UNC5D: variants seen among roughly 807,000 people sequenced by gnomAD.
UNC5D encodes the protein netrin receptor UNC5D.
Under a neutral mutation model 105.4 loss-of-function variants are expected in UNC5D, and 39 were observed. The ratio of observed to expected loss-of-function variants is 0.37; its 90% CI spans 0.29 to 0.48. The LOEUF is 0.48. Ranked by LOEUF, UNC5D falls within the 20% of genes least tolerant of loss-of-function variation. The pLI is 0.98. For synonymous variants in UNC5D, 452 were observed against 450.4 expected, an observed-to-expected ratio of 1.00 and a Z score of -0.04; for missense variants, 991 against 1,202.4, an observed-to-expected ratio of 0.82 and a Z score of 2.60.
intron 1 of UNC5D, among the ~76,000 whole-genome samples, chr8:35,257,411 A>T (rs1030224505): frequency 9.2e-5 from 14 of 152,166 alleles, no homozygotes; most frequent in Admixed American, 9.2e-4. Flanking sequence ...CTGGTCTGCC[A>T]GCAGGCACCC....
chr8:35,644,915 TG>T lies in UNC5D; in HGVS notation c.571-38631del, dbSNP rs112748701. Among the ~76,000 whole-genome samples the T allele has an allele frequency of 3.9e-4, 59 of 152,266 alleles. 1 individual carries two copies. Among genetic ancestry groups the T allele is most frequent in the African/African-American group, 1.4e-3 (57 of 41,562 alleles). Reference sequence around the variant, plus strand: ...GAGCACTCGGACAATGGTAGAATTCTGATATTGATTCTTTTATAATATAGCT... The same window carrying T: ...GAGCACTCGGACAATGGTAGAATTCTATATTGATTCTTTTATAATATAGCT... On this transcript the variant is annotated intron_variant, in intron 4 of 16. Transcript: ENST00000404895.
intron 1 of UNC5D, among the ~76,000 whole-genome samples, chr8:35,419,310 C>A (rs958914022): frequency 6.6e-5 from 10 of 152,174 alleles, no homozygotes; most frequent in Admixed American, 6.5e-4. Flanking sequence ...TCACTCAGCT[C>A]CAGGCTCACC....
At chr8:35,499,294 A>G (rs2130218892) in intron 1 of UNC5D, among the ~76,000 whole-genome samples, 1 of 152,334 alleles carries the variant, frequency 6.6e-6, no homozygotes, top group African/African-American at 2.4e-5. Context: ...CATGAAGTCG[A>G]TAATTACACT....
intron 11 of UNC5D, among the ~76,000 whole-genome samples, chr8:35,742,263 AAAAG>A (rs899822396): frequency 1.3e-5 from 2 of 152,180 alleles, no homozygotes; most frequent in Non-Finnish European, 2.9e-5. Context: ...AGAAAAAAAA[AAAAG>A]AGAGAGAGAC....
chr8:35,762,146 C>T (rs1269071152), intron 14 of UNC5D, among the ~76,000 whole-genome samples: 1 of 152,080 alleles, frequency 6.6e-6, no homozygotes, highest in East Asian at 1.9e-4. Context: ...AGGAAACTTC[C>T]ATTTTCTTCT....
intron 12 of UNC5D, 91 bp downstream of exon 12, chr8:35,748,786 C>T: frequency 7.0e-7 from 1 of 1,425,114 alleles, no homozygotes. Context: ...CACAAATCAG[C>T]ATTTCGTTGT....
At chr8:35,716,177 A>G (rs368081049) in intron 8 of UNC5D, among the ~76,000 whole-genome samples, 2 of 152,274 alleles carry the variant, frequency 1.3e-5, no homozygotes, top group African/African-American at 2.4e-5. Context: ...GAAGACAGAC[A>G]TGTGTTCAAA....
intron 16 of UNC5D, among the ~76,000 whole-genome samples, chr8:35,783,856 C>T (rs1051388544): frequency 6.6e-6 from 1 of 151,930 alleles, no homozygotes; most frequent in Non-Finnish European, 1.5e-5. Context: ...CAATTCTCTA[C>T]CCCACCTTTA....
At chr8:35,766,199 T>C (rs1341423634) in intron 14 of UNC5D, among the ~76,000 whole-genome samples, 1 of 152,172 alleles carries the variant, frequency 6.6e-6, no homozygotes, top group Non-Finnish European at 1.5e-5. Context: ...GTTTACCTAG[T>C]ACAGTGTGTG....
At chr8:35,460,243 G>A (rs865893567) in intron 1 of UNC5D, among the ~76,000 whole-genome samples, 5 of 152,232 alleles carry the variant, frequency 3.3e-5, no homozygotes, top group Middle Eastern at 3.4e-3. Flanking sequence ...GGGTAGGGGG[G>A]CAGCATTCAG....
intron 1 of UNC5D, among the ~76,000 whole-genome samples, chr8:35,503,732 A>C (rs1272212772): frequency 6.6e-6 from 1 of 152,200 alleles, no homozygotes; most frequent in Non-Finnish European, 1.5e-5. Flanking sequence ...GGGAGTTAGA[A>C]TTTTAATTCC....
intron 1 of UNC5D, among the ~76,000 whole-genome samples, chr8:35,380,222 G>GGAGA (rs1319752379): frequency 1.5e-5 from 2 of 132,238 alleles, no homozygotes; most frequent in African/African-American, 2.9e-5. Context: ...AGAGAGAGAG[G>GGAGA]GAGAGAGAGA....
At chr8:35,362,330 T>A (rs1801900274) in intron 1 of UNC5D, among the ~76,000 whole-genome samples, 1 of 152,198 alleles carries the variant, frequency 6.6e-6, no homozygotes, top group Non-Finnish European at 1.5e-5. Flanking sequence ...CAAATGCACT[T>A]CCTTACAAGA....
At chr8:35,432,420 A>C (rs932488197) in intron 1 of UNC5D, among the ~76,000 whole-genome samples, 2 of 152,148 alleles carry the variant, frequency 1.3e-5, no homozygotes, top group Non-Finnish European at 2.9e-5. Flanking sequence ...CTTGTTTTAC[A>C]AAGTACCTCT....
intron 11 of UNC5D, among the ~76,000 whole-genome samples, chr8:35,743,611 A>G (rs1344797250): frequency 6.6e-6 from 1 of 151,852 alleles, no homozygotes; most frequent in Non-Finnish European, 1.5e-5. Flanking sequence ...AATTTTTTTT[A>G]AATCTTGACA....
At position 35,791,282 on chromosome 8, in the gene UNC5D, A is replaced by C. The variant is rs1184800831; in HGVS notation, c.*719A>C. 6.5e-6 allele frequency: 1 copy of C among 152,882 alleles called. No individual in the cohort carries two copies. The highest frequency in any genetic ancestry group is 6.5e-5 in the Admixed American group (1 of 15,354). 9.5% of individuals were successfully genotyped at this position (152,882 alleles called of 1,614,324 possible). On this transcript the variant is annotated 3_prime_UTR_variant, in exon 17 of 17. Transcript: ENST00000404895. ...TTACCCCTTGCAGTAGGGAGGTATC[A>C]AGGAGCATAATTAAACTTGTCAATA...
At position 35,724,763 on chromosome 8, in the gene UNC5D, G is replaced by A. The variant is rs28470990; in HGVS notation, c.1304-1389G>A. On this transcript the variant is annotated intron_variant, in intron 9 of 16. Transcript: ENST00000404895. ...GAGGCATGTGGCTTTTGAGGTCTCC[G>A]CAGAACCTCCTGTTCTAAACTCTTT... 3.6e-3 allele frequency among the ~76,000 whole-genome samples: 552 copies of A among 152,228 alleles called. 3 individuals carry two copies. Among genetic ancestry groups the A allele is most frequent in the African/African-American group, 0.012 (514 of 41,536 alleles).
At chr8:35,526,266 C>T (rs1211561225) in intron 1 of UNC5D, among the ~76,000 whole-genome samples, 1 of 152,172 alleles carries the variant, frequency 6.6e-6, no homozygotes, top group Non-Finnish European at 1.5e-5. Flanking sequence ...ATCTTGAAGG[C>T]TTGCATTGTT....
chr8:35,325,174 C>T (rs1810051542), intron 1 of UNC5D, among the ~76,000 whole-genome samples: 1 of 152,084 alleles, frequency 6.6e-6, no homozygotes. Flanking sequence ...CTATATCTAT[C>T]AATAAAGAAT....
Sources: allele counts gnomAD v4.1 joint callset (sites outside exome capture counted in the v4.1 genomes callset), GRCh38; gene constraint gnomAD v4.1.1; transcripts MANE v1.5; gene names NCBI Gene and HGNC (gene_info 2026-07-23, HGNC 2026-07-21).